Variants in PPM1B observed in about 807,000 individuals in gnomAD.
The protein encoded by PPM1B is protein phosphatase, Mg2+/Mn2+ dependent 1B, also known as protein phosphatase 1B.
PPM1B carries 22 observed loss-of-function variants against 43.0 expected under a neutral mutation model. That is an observed-to-expected ratio of 0.51 (90% CI 0.37 to 0.73). PPM1B has a LOEUF of 0.73. Ranked by LOEUF, PPM1B falls within the 30% of genes least tolerant of loss-of-function variation. The probability of loss-of-function intolerance (pLI) is 0.00; values close to 1 mark genes in which losing one functional copy is unlikely to be tolerated. For missense variants in PPM1B, 632 were observed against 584.2 expected (o/e 1.08, Z -0.84); for synonymous variants, 217 against 197.9 (o/e 1.10, Z -0.81).
chr2:44,234,267 T>A, downstream of PPM1B: 1 of 950,868 alleles, frequency 1.1e-6, no homozygotes, highest in Non-Finnish European at 1.3e-6. Context: ...ACACCTGTAA[T>A]CCCAGCACTT....
intron 1 of PPM1B, among the ~76,000 whole-genome samples, chr2:44,182,948 G>C (rs1291760259): frequency 1.3e-5 from 2 of 152,150 alleles, no homozygotes; most frequent in Non-Finnish European, 2.9e-5. Flanking sequence ...AGCACTATCA[G>C]ATCTTGTTGT....
downstream of PPM1B, among the ~76,000 whole-genome samples, chr2:44,245,192 C>T (rs1272068299): frequency 1.3e-5 from 2 of 152,086 alleles, no homozygotes; most frequent in Non-Finnish European, 2.9e-5. Flanking sequence ...TTTTGTGTCC[C>T]CAGAAGTTTT....
At chr2:44,234,020 C>T (rs1670542418), downstream of PPM1B, 12 of 981,774 alleles carry the variant, frequency 1.2e-5, no homozygotes, top group Non-Finnish European at 1.5e-5. Flanking sequence ...ATGCAGTGAA[C>T]ATAACCAACT....
At chr2:44,173,113 C>G (rs1667426640) in intron 1 of PPM1B, among the ~76,000 whole-genome samples, 1 of 152,234 alleles carries the variant, frequency 6.6e-6, no homozygotes, top group African/African-American at 2.4e-5. Flanking sequence ...ACAGCCTGGC[C>G]TGGCCAACGT....
intron 1 of PPM1B, among the ~76,000 whole-genome samples, chr2:44,193,035 G>A (rs1412571929): frequency 1.3e-5 from 2 of 152,162 alleles, no homozygotes; most frequent in Non-Finnish European, 2.9e-5. Flanking sequence ...GAACATGGGA[G>A]TGCCGATACT....
chr2:44,214,356 A>T (rs1458244366), intron 3 of PPM1B, among the ~76,000 whole-genome samples: 2 of 151,508 alleles, frequency 1.3e-5, no homozygotes, highest in African/African-American at 4.9e-5. Context: ...GGCGTGAGCC[A>T]CTGCGCCCGA....
At chr2:44,220,869 A>G (rs1669948537) in intron 5 of PPM1B, among the ~76,000 whole-genome samples, 1 of 152,222 alleles carries the variant, frequency 6.6e-6, no homozygotes, top group Non-Finnish European at 1.5e-5. Context: ...GAGGATGATG[A>G]CCTTTCAAGT....
At chr2:44,175,368 G>A (rs1667533328) in intron 1 of PPM1B, among the ~76,000 whole-genome samples, 1 of 152,122 alleles carries the variant, frequency 6.6e-6, no homozygotes, top group South Asian at 2.1e-4. Flanking sequence ...TTTACTCTGA[G>A]CTACCAACCC....
chr2:44,237,084 C>G (rs1670642560), downstream of PPM1B, among the ~76,000 whole-genome samples: 1 of 152,150 alleles, frequency 6.6e-6, no homozygotes, highest in South Asian at 2.1e-4. Context: ...TCTGAAGTTA[C>G]TTTTTAAATT....
Position 44,231,190 on chromosome 2 carries a change from C to T in PPM1B, c.*472C>T. The T allele has an allele frequency of 1.0e-6, 1 of 983,738 alleles. No individual in the cohort carries two copies. The highest frequency in any genetic ancestry group is 1.1e-4 in the East Asian group (1 of 8,810). The allele number at this position is 983,738 out of a possible 1,614,324, so 60.9% of individuals were successfully genotyped here. ...TGGCTGATGCTGGCCTGTAATTTTT[C>T]TTTCAAGGATGATAATTTGTGTGTT... On this transcript the variant is annotated 3_prime_UTR_variant, in exon 6 of 6. Coordinates refer to ENST00000282412, the MANE Select transcript of PPM1B (RefSeq NM_002706.6).
chr2:44,174,612 A>G (rs947181375), intron 1 of PPM1B, among the ~76,000 whole-genome samples: 6 of 152,286 alleles, frequency 3.9e-5, no homozygotes, highest in Admixed American at 2.0e-4. Flanking sequence ...AAACAAATGA[A>G]TAAGTGTTGT....
chr2:44,228,966 T>C (rs1334187221), intron 5 of PPM1B, among the ~76,000 whole-genome samples: 2 of 152,132 alleles, frequency 1.3e-5, no homozygotes, highest in Admixed American at 1.3e-4. Context: ...GCAGATCACC[T>C]GAGGTTGGGA....
chr2:44,221,526 A>G (rs1438206233), intron 5 of PPM1B, among the ~76,000 whole-genome samples: 1 of 152,196 alleles, frequency 6.6e-6, no homozygotes, highest in African/African-American at 2.4e-5. Context: ...GGTGGGAAAG[A>G]TGAAAGTATG....
At chr2:44,240,653 G>C (rs1670724284) in intron 5 of PPM1B, among the ~76,000 whole-genome samples, 1 of 146,128 alleles carries the variant, frequency 6.8e-6, no homozygotes, top group Non-Finnish European at 1.5e-5. Flanking sequence ...CCTGGTCCCA[G>C]ATGATATGTG....
chr2:44,172,295 A>G (rs1667383713), intron 1 of PPM1B, among the ~76,000 whole-genome samples: 1 of 152,216 alleles, frequency 6.6e-6, no homozygotes. Flanking sequence ...TTATTGTAAA[A>G]TGTATCGTAT....
intron 5 of PPM1B, among the ~76,000 whole-genome samples, chr2:44,226,855 C>G (rs1270004826): frequency 1.4e-5 from 2 of 145,690 alleles, no homozygotes; most frequent in Non-Finnish European, 3.0e-5. Flanking sequence ...TAAAGACTGA[C>G]AAGGTTTATC....
chr2:44,234,561 C>T, downstream of PPM1B: 1 of 981,914 alleles, frequency 1.0e-6, no homozygotes, highest in Non-Finnish European at 1.2e-6. Flanking sequence ...CGGCAGGGGG[C>T]AGGGTGGGGG....
chr2:44,238,535 C>G (rs1484314224), downstream of PPM1B, among the ~76,000 whole-genome samples: 1 of 151,914 alleles, frequency 6.6e-6, no homozygotes, highest in Non-Finnish European at 1.5e-5. Context: ...AACCCCGTCT[C>G]TACTAAAAAT....
chr2:44,182,505 C>T (rs931454835), intron 1 of PPM1B, among the ~76,000 whole-genome samples: 1 of 152,178 alleles, frequency 6.6e-6, no homozygotes, highest in Non-Finnish European at 1.5e-5. Flanking sequence ...AGGTGATCCA[C>T]CTGCCTCGGC....
Sources: gnomAD v4.1 joint callset for allele counts (sites outside exome capture counted in the v4.1 genomes callset) on GRCh38, gnomAD v4.1.1 for gene constraint, MANE v1.5 for transcripts, NCBI Gene and HGNC (gene_info 2026-07-23, HGNC 2026-07-21) for gene names.